Variants in TANGO6 observed in about 807,000 individuals in gnomAD.
The protein encoded by TANGO6 is transport and Golgi organization protein 6 homolog.
Under a neutral mutation model 114.2 loss-of-function variants are expected in TANGO6, and 90 were observed. The ratio of observed to expected loss-of-function variants is 0.79; its 90% CI spans 0.66 to 0.94. TANGO6 has a LOEUF of 0.94. Among genes scored for constraint, TANGO6 ranks in the 40% least tolerant of loss-of-function variants. TANGO6 has a pLI of 0.00. For synonymous variants in TANGO6, 477 were observed against 509.8 expected, an observed-to-expected ratio of 0.94 and a Z score of 0.87; for missense variants, 1,274 against 1,315.3, an observed-to-expected ratio of 0.97 and a Z score of 0.49.
At chr16:68,928,222 A>T (rs1431775762) in intron 13 of TANGO6, 139 bp downstream of exon 13, 5 of 898,912 alleles carry the variant, frequency 5.6e-6, no homozygotes, top group Admixed American at 3.0e-5. Context: ...TGAGGAGGCA[A>T]CACTTAGACA....
intron 11 of TANGO6, among the ~76,000 whole-genome samples, chr16:68,918,102 G>GT (rs1283747256): frequency 3.3e-5 from 5 of 151,818 alleles, no homozygotes; most frequent in African/African-American, 1.2e-4. Context: ...TAGAGACAGG[G>GT]TTCACCATGT....
At chr16:68,944,073 T>A (rs749834270) in intron 14 of TANGO6, among the ~76,000 whole-genome samples, 1 of 152,198 alleles carries the variant, frequency 6.6e-6, no homozygotes, top group Non-Finnish European at 1.5e-5. Context: ...TCCCTTGAGA[T>A]ATGAGTCTTA....
At chr16:68,944,446 CAGACCTCACAGCT>C (rs1159386105) in intron 14 of TANGO6, among the ~76,000 whole-genome samples, 2 of 152,154 alleles carry the variant, frequency 1.3e-5, no homozygotes. Flanking sequence ...TCTCTTCACT[CAGACCTCACAGCT>C]GAGGTCTGCC....
chr16:69,062,272 G>C (rs977128146), intron 17 of TANGO6, among the ~76,000 whole-genome samples: 9 of 152,052 alleles, frequency 5.9e-5, no homozygotes, highest in Admixed American at 5.2e-4. Context: ...CTGAGGCTTA[G>C]ACTTTTCATA....
At chr16:69,056,590 C>T (rs1045774636) in intron 17 of TANGO6, among the ~76,000 whole-genome samples, 9 of 149,494 alleles carry the variant, frequency 6.0e-5, no homozygotes, top group Admixed American at 4.0e-4. Context: ...AAAAAAAAAA[C>T]CCACAATTTC....
At chr16:68,982,066 A>G (rs764008428) in intron 15 of TANGO6, among the ~76,000 whole-genome samples, 1 of 152,220 alleles carries the variant, frequency 6.6e-6, no homozygotes, top group African/African-American at 2.4e-5. Context: ...ACTACCAGGC[A>G]TCATAAAATG....
chr16:69,039,140 G>A (rs894229124), intron 16 of TANGO6, among the ~76,000 whole-genome samples: 8 of 152,046 alleles, frequency 5.3e-5, no homozygotes, highest in African/African-American at 1.2e-4. Flanking sequence ...AGCCAAGATC[G>A]CGCCACTGCA....
chr16:68,948,049 T>G (rs1249801071), intron 14 of TANGO6, among the ~76,000 whole-genome samples: 1 of 147,514 alleles, frequency 6.8e-6, no homozygotes, highest in African/African-American at 2.5e-5. Context: ...ATATGATGCC[T>G]TCTTTCCCTC....
chr16:68,892,517 T>TC (rs1962637469), intron 7 of TANGO6, among the ~76,000 whole-genome samples: 1 of 151,558 alleles, frequency 6.6e-6, no homozygotes, highest in Non-Finnish European at 1.5e-5. Context: ...CTTTCTTTTT[T>TC]TTTTTTTTTT....
chr16:68,932,215 C>T (rs139998527), intron 14 of TANGO6, among the ~76,000 whole-genome samples: 8,506 of 152,112 alleles, frequency 0.056, 319 homozygotes, highest in Non-Finnish European at 0.077. Context: ...CTCAGCCTCC[C>T]GAGTAGCTGG....
intron 1 of TANGO6, among the ~76,000 whole-genome samples, chr16:68,859,515 A>G (rs1028205784): frequency 1.3e-5 from 2 of 152,250 alleles, no homozygotes; most frequent in Non-Finnish European, 2.9e-5. Context: ...CACCTAGAAC[A>G]GCTGGACTGA....
At chr16:68,946,252 C>G (rs1963413096) in intron 14 of TANGO6, among the ~76,000 whole-genome samples, 1 of 151,414 alleles carries the variant, frequency 6.6e-6, no homozygotes, top group African/African-American at 2.4e-5. Flanking sequence ...AGTGCAGTGG[C>G]ACGATCTCGG....
At chr16:69,030,107 CAA>C (rs529117472) in intron 16 of TANGO6, among the ~76,000 whole-genome samples, 29 of 62,508 alleles carry the variant, frequency 4.6e-4, no homozygotes, top group Admixed American at 8.0e-4. Flanking sequence ...GACTCTGACT[CAA>C]AAAAAAAAAA....
chr16:68,915,076 A>G (rs1167822468), intron 11 of TANGO6, among the ~76,000 whole-genome samples: 1 of 149,468 alleles, frequency 6.7e-6, no homozygotes, highest in Non-Finnish European at 1.5e-5. Flanking sequence ...CGGGAGGCTG[A>G]GGCAGGAGTA....
intron 17 of TANGO6, among the ~76,000 whole-genome samples, chr16:69,047,898 T>C (rs950064867): frequency 6.6e-6 from 1 of 152,216 alleles, no homozygotes; most frequent in African/African-American, 2.4e-5. Context: ...AGCAGTTTTC[T>C]TCCTTGTAAT....
At chr16:68,902,565 G>C in intron 9 of TANGO6, 61 bp downstream of exon 9, 2 of 1,435,668 alleles carry the variant, frequency 1.4e-6, no homozygotes, top group Non-Finnish European at 1.8e-6. Context: ...AGGCCATTCA[G>C]TGATTCAACC....
intron 4 of TANGO6, among the ~76,000 whole-genome samples, chr16:68,869,577 G>T (rs1778254381): frequency 1.3e-5 from 2 of 152,112 alleles, no homozygotes; most frequent in Non-Finnish European, 2.9e-5. Context: ...CTCAATCCTG[G>T]TTACCTTCTA....
intron 15 of TANGO6, among the ~76,000 whole-genome samples, chr16:69,022,301 T>C (rs953014649): frequency 1.3e-5 from 2 of 152,212 alleles, no homozygotes; most frequent in Admixed American, 6.5e-5. Context: ...GAGAATAAAA[T>C]TGAGATTCTA....
At chr16:69,061,273 T>A (rs1227730885) in intron 17 of TANGO6, among the ~76,000 whole-genome samples, 2 of 152,022 alleles carry the variant, frequency 1.3e-5, no homozygotes, top group Non-Finnish European at 2.9e-5. Flanking sequence ...CTTTTCAAAA[T>A]TTGGCTTCTG....
Sources: allele counts gnomAD v4.1 joint callset (sites outside exome capture counted in the v4.1 genomes callset), GRCh38; gene constraint gnomAD v4.1.1; transcripts MANE v1.5; gene names NCBI Gene and HGNC (gene_info 2026-07-23, HGNC 2026-07-21).